Variants in PRR16 observed in about 807,000 individuals in gnomAD.
PRR16 encodes protein Largen.
In PRR16, 6 loss-of-function variants were observed where a neutral mutation model predicts 18.2. That is an observed-to-expected ratio of 0.33 (90% CI 0.18 to 0.65). The LOEUF (loss-of-function observed/expected upper bound fraction) is 0.65, where lower values mean the gene tolerates loss of function less well. Ranked by LOEUF, PRR16 falls within the 30% of genes least tolerant of loss-of-function variation. The pLI is 0.74. For synonymous variants in PRR16, 151 were observed against 147.8 expected (o/e 1.02, Z -0.16); for missense variants, 412 against 376.6 (o/e 1.09, Z -0.78).
chr5:120,616,840 T>C (rs886479421), intron 1 of PRR16, among the ~76,000 whole-genome samples: 1 of 152,188 alleles, frequency 6.6e-6, no homozygotes, highest in African/African-American at 2.4e-5. Flanking sequence ...ACTTGATTGA[T>C]TGACTGATCA....
intron 1 of PRR16, among the ~76,000 whole-genome samples, chr5:120,618,027 G>A (rs1020789006): frequency 3.9e-5 from 6 of 151,974 alleles, no homozygotes; most frequent in African/African-American, 1.5e-4. Flanking sequence ...GTGCTTCTGG[G>A]ACAATCATTT....
intron 1 of PRR16, among the ~76,000 whole-genome samples, chr5:120,493,515 G>A (rs527322844): frequency 4.5e-4 from 69 of 152,108 alleles, no homozygotes; most frequent in African/African-American, 1.6e-3. Context: ...AAGAAATGAT[G>A]CAGAGAGATC....
intron 1 of PRR16, among the ~76,000 whole-genome samples, chr5:120,582,954 G>A (rs1327158293): frequency 6.6e-6 from 1 of 152,086 alleles, no homozygotes; most frequent in Non-Finnish European, 1.5e-5. Context: ...GTCTCAGCTG[G>A]AAGTCTCAAA....
At chr5:120,573,978 C>G (rs1263673463) in intron 1 of PRR16, among the ~76,000 whole-genome samples, 1 of 151,018 alleles carries the variant, frequency 6.6e-6, no homozygotes, top group Non-Finnish European at 1.5e-5. Context: ...TAAAAGTGAA[C>G]AGAAAAACAT....
At chr5:120,548,613 G>A (rs1316978772) in intron 1 of PRR16, among the ~76,000 whole-genome samples, 1 of 152,034 alleles carries the variant, frequency 6.6e-6, no homozygotes, top group African/African-American at 2.4e-5. Context: ...TTAAGGGTCA[G>A]ATGTTACTAT....
At chr5:120,553,117 A>AT (rs1752305442) in intron 1 of PRR16, among the ~76,000 whole-genome samples, 1 of 151,850 alleles carries the variant, frequency 6.6e-6, no homozygotes, top group South Asian at 2.1e-4. Flanking sequence ...TTCTACATGG[A>AT]TTTATTAAAC....
At chr5:120,754,199 TATTATAA>T in the PRR16 span, among the ~76,000 whole-genome samples, 1 of 97,818 alleles carries the variant, frequency 1.0e-5, no homozygotes, top group Non-Finnish European at 1.9e-5. Context: ...TATAATTATA[TATTATAA>T]ATTATATATT....
chr5:120,681,180 C>A (rs1756961825), intron 1 of PRR16, among the ~76,000 whole-genome samples: 1 of 152,062 alleles, frequency 6.6e-6, no homozygotes, highest in African/African-American at 2.4e-5. Context: ...TATAGAGTGA[C>A]TTTCATTTAC....
At position 120,566,772 on chromosome 5, in the gene PRR16, A is replaced by G. The variant is rs965455314; in HGVS notation, c.159+102127A>G. Among the ~76,000 whole-genome samples the G allele has an allele frequency of 2.0e-5, 3 of 152,192 alleles. 1 individual carries two copies. The highest frequency in any genetic ancestry group is 1.9e-4 in the East Asian group (1 of 5,190). ...AATGTCCATGCTTGTCACTCTTTCA[A>G]TGACTGTTAATGATTTCTTAAATAG... On this transcript the variant is annotated intron_variant, in intron 1 of 1. Transcript: ENST00000407149.
the PRR16 span, among the ~76,000 whole-genome samples, chr5:120,758,394 C>G: frequency 6.6e-6 from 1 of 152,018 alleles, no homozygotes; most frequent in Non-Finnish European, 1.5e-5. Context: ...TATATATGAT[C>G]TCTTCAAGAA....
chr5:120,629,744 TTG>T (rs200474899), intron 1 of PRR16, among the ~76,000 whole-genome samples: 39,136 of 151,662 alleles, frequency 0.26, 5,969 homozygotes, highest in Middle Eastern at 0.41. Flanking sequence ...AAGACTCTGT[TTG>T]TTTTTTTGAA....
chr5:120,742,336 G>C, the PRR16 span, among the ~76,000 whole-genome samples: 1 of 146,024 alleles, frequency 6.8e-6, no homozygotes, highest in Non-Finnish European at 1.5e-5. Context: ...ATGCAGGTAT[G>C]CCAATTTTCC....
the PRR16 span, among the ~76,000 whole-genome samples, chr5:120,730,589 A>C: frequency 6.6e-6 from 1 of 152,160 alleles, no homozygotes; most frequent in African/African-American, 2.4e-5. Flanking sequence ...TCAGAGACCA[A>C]ATTGCTGGAT....
chr5:120,582,065 T>A (rs1479781520), intron 1 of PRR16, among the ~76,000 whole-genome samples: 4 of 152,114 alleles, frequency 2.6e-5, no homozygotes, highest in African/African-American at 9.7e-5. Context: ...TAAGTATACA[T>A]CAACAGTTGA....
downstream of PRR16, among the ~76,000 whole-genome samples, chr5:120,690,458 T>C (rs1032240445): frequency 6.6e-6 from 1 of 152,208 alleles, no homozygotes; most frequent in Admixed American, 6.5e-5. Context: ...TGCTATAGCC[T>C]ATGTTCCAAG....
At chr5:120,538,905 G>A (rs1751816826) in intron 1 of PRR16, among the ~76,000 whole-genome samples, 1 of 152,168 alleles carries the variant, frequency 6.6e-6, no homozygotes, top group Admixed American at 6.5e-5. Flanking sequence ...ACTAGCAATT[G>A]CATCGTGAGT....
the PRR16 span, among the ~76,000 whole-genome samples, chr5:120,712,124 T>C: frequency 1.3e-5 from 2 of 152,176 alleles, no homozygotes; most frequent in Non-Finnish European, 2.9e-5. Flanking sequence ...TACAACATGA[T>C]GTTTTGGTAT....
At chr5:120,595,400 T>G (rs567627561) in intron 1 of PRR16, among the ~76,000 whole-genome samples, 16 of 150,874 alleles carry the variant, frequency 1.1e-4, no homozygotes, top group Admixed American at 8.7e-4. Context: ...GAGATACCAT[T>G]TCACATTAGT....
chr5:120,645,808 C>T (rs1755572422), intron 1 of PRR16, among the ~76,000 whole-genome samples: 1 of 151,822 alleles, frequency 6.6e-6, no homozygotes, highest in South Asian at 2.1e-4. Context: ...TGCAGCACTT[C>T]CAGGCATTAC....
Sources: allele counts gnomAD v4.1 joint callset (sites outside exome capture counted in the v4.1 genomes callset), GRCh38; gene constraint gnomAD v4.1.1; transcripts MANE v1.5; gene names NCBI Gene and HGNC (gene_info 2026-07-23, HGNC 2026-07-21).